Variants in SLC24A2 observed in about 807,000 individuals in gnomAD.
SLC24A2 encodes solute carrier family 24 member 2.
In SLC24A2, 36 loss-of-function variants were observed where a neutral mutation model predicts 62.0. The observed-to-expected ratio is 0.58, with a 90% confidence interval of 0.44 to 0.77. The LOEUF (loss-of-function observed/expected upper bound fraction) is 0.77. Among genes scored for constraint, SLC24A2 ranks in the 30% least tolerant of loss-of-function variants. The pLI is 0.00. For synonymous variants in SLC24A2, 358 were observed against 294.0 expected (o/e 1.22, Z -2.23); for missense variants, 846 against 817.9 (o/e 1.03, Z -0.42).
intron 2 of SLC24A2, among the ~76,000 whole-genome samples, chr9:19,697,969 TAACAA>T (rs896523364): frequency 3.9e-5 from 6 of 152,156 alleles, no homozygotes; most frequent in East Asian, 1.9e-4. Flanking sequence ...CCATGGCCAA[TAACAA>T]AACAAAACAA....
At chr9:19,923,264 C>T in the SLC24A2 span, among the ~76,000 whole-genome samples, 1 of 152,140 alleles carries the variant, frequency 6.6e-6, no homozygotes, top group Non-Finnish European at 1.5e-5. Flanking sequence ...TCCTGCATTT[C>T]ATGAATTTCT....
chr9:20,140,971 A>G, the SLC24A2 span, among the ~76,000 whole-genome samples: 1 of 152,104 alleles, frequency 6.6e-6, no homozygotes, highest in Non-Finnish European at 1.5e-5. Context: ...TCGCCTCCTG[A>G]AAAACTGAGG....
the SLC24A2 span, among the ~76,000 whole-genome samples, chr9:19,921,326 A>G: frequency 1.3e-5 from 2 of 151,976 alleles, no homozygotes; most frequent in African/African-American, 4.8e-5. Flanking sequence ...GATCGAGACC[A>G]TCCTGGCTAG....
At chr9:20,290,241 C>G in the SLC24A2 span, among the ~76,000 whole-genome samples, 4 of 152,204 alleles carry the variant, frequency 2.6e-5, no homozygotes, top group East Asian at 7.7e-4. Context: ...ATGTAGAAAA[C>G]CCGATTTAAT....
chr9:19,847,692 G>A, the SLC24A2 span, among the ~76,000 whole-genome samples: 21 of 152,292 alleles, frequency 1.4e-4, no homozygotes, highest in African/African-American at 4.1e-4. Context: ...CGCACTGGAG[G>A]TAGTTTACCA....
intron 2 of SLC24A2, among the ~76,000 whole-genome samples, chr9:19,684,146 C>T (rs956090174): frequency 1.3e-5 from 2 of 152,046 alleles, no homozygotes; most frequent in African/African-American, 4.8e-5. Flanking sequence ...CCCTGCAGGG[C>T]CAATAAGCTC....
chr9:19,730,340 G>C (rs1393515540), intron 2 of SLC24A2, among the ~76,000 whole-genome samples: 2 of 152,084 alleles, frequency 1.3e-5, no homozygotes, highest in African/African-American at 4.8e-5. Context: ...AAATTACATA[G>C]TTATATTTGT....
At chr9:20,136,667 A>G in the SLC24A2 span, among the ~76,000 whole-genome samples, 4 of 152,174 alleles carry the variant, frequency 2.6e-5, no homozygotes, top group Non-Finnish European at 5.9e-5. Context: ...TTTTCAAGAA[A>G]CAGGTCTCAC....
Position 19,573,339 on chromosome 9 carries a change from GAA to G in SLC24A2, c.1347+10_1347+11del. 6.5e-7 allele frequency: 1 copy of G among 1,548,220 alleles called. No homozygotes were observed. Among genetic ancestry groups the G allele is most frequent in the Non-Finnish European group, 8.9e-7 (1 of 1,120,040 alleles). On this transcript the variant is annotated intron_variant, in intron 7 of 10. Transcript: ENST00000341998. ...AACAACAGCCCAGAAGAGCAATGGA[GAA>G]AAGCCATACCTGGGCTTCTGCACCT...
intron 9 of SLC24A2, among the ~76,000 whole-genome samples, chr9:19,521,828 T>C (rs1465283579): frequency 2.0e-5 from 3 of 152,110 alleles, no homozygotes; most frequent in African/African-American, 4.8e-5. Flanking sequence ...TACATTATTA[T>C]TGAAAAGCAA....
the SLC24A2 span, among the ~76,000 whole-genome samples, chr9:20,087,227 A>T: frequency 6.6e-6 from 1 of 151,990 alleles, no homozygotes; most frequent in Non-Finnish European, 1.5e-5. Context: ...TTTATTGAGC[A>T]CCTACTATAT....
At chr9:19,525,982 C>T (rs550799354) in intron 9 of SLC24A2, among the ~76,000 whole-genome samples, 189 of 152,166 alleles carry the variant, frequency 1.2e-3, no homozygotes, top group African/African-American at 4.3e-3. Context: ...AACCCATACC[C>T]ACTGGCAGTC....
chr9:20,230,331 C>A, the SLC24A2 span, among the ~76,000 whole-genome samples: 1 of 152,188 alleles, frequency 6.6e-6, no homozygotes, highest in Non-Finnish European at 1.5e-5. Context: ...AATGGTTGAA[C>A]TAGTTTACAG....
In SLC24A2 at chr9:19,593,531, G is replaced by A. The variant is rs150257268; in HGVS notation, c.1129+3698C>T. 2.6e-3 allele frequency among the ~76,000 whole-genome samples: 390 copies of A among 152,280 alleles called. 1 individual carries two copies. Among genetic ancestry groups the A allele is most frequent in the African/African-American group, 9.0e-3 (374 of 41,536 alleles). The stretch of plus-strand genomic sequence containing the variant: ...TCATGATTTTGTCTTGCGTGTGAGA[G>A]TAAGTATATTGTTTTATTAAAATAA... On this transcript the variant is annotated intron_variant, in intron 5 of 10. Transcript: ENST00000341998.
At chr9:20,203,726 C>T in the SLC24A2 span, among the ~76,000 whole-genome samples, 1 of 151,918 alleles carries the variant, frequency 6.6e-6, no homozygotes, top group East Asian at 1.9e-4. Context: ...GAAGCAGCAG[C>T]AGCAGAAGAA....
At chr9:19,552,738 C>G (rs558820994) in intron 7 of SLC24A2, among the ~76,000 whole-genome samples, 1 of 152,322 alleles carries the variant, frequency 6.6e-6, no homozygotes, top group East Asian at 1.9e-4. Context: ...ATGACACCAA[C>G]AGATGGTGAC....
intron 2 of SLC24A2, among the ~76,000 whole-genome samples, chr9:19,761,750 C>G (rs547168272): frequency 6.6e-6 from 1 of 151,820 alleles, no homozygotes; most frequent in Non-Finnish European, 1.5e-5. Context: ...TTTGTCCTTG[C>G]GATAGTTTGC....
At chr9:19,821,554 C>T in the SLC24A2 span, among the ~76,000 whole-genome samples, 1 of 152,070 alleles carries the variant, frequency 6.6e-6, no homozygotes, top group South Asian at 2.1e-4. Context: ...CTTCTGAAGT[C>T]TTAATGATCC....
chr9:20,150,077 A>G, the SLC24A2 span, among the ~76,000 whole-genome samples: 3 of 152,036 alleles, frequency 2.0e-5, no homozygotes, highest in Non-Finnish European at 2.9e-5. Context: ...GAGTAAAGAC[A>G]TGATTTATCA....
Sources: gnomAD v4.1 joint callset for allele counts (sites outside exome capture counted in the v4.1 genomes callset) on GRCh38, gnomAD v4.1.1 for gene constraint, MANE v1.5 for transcripts, NCBI Gene and HGNC (gene_info 2026-07-23, HGNC 2026-07-21) for gene names.